CRTAC1: variants seen among roughly 807,000 people sequenced by gnomAD.
CRTAC1 encodes the protein cartilage acidic protein 1, also known as acidic secreted protein in cartilage.
A neutral mutation model predicts 67.8 loss-of-function variants in CRTAC1; 37 were observed. The observed-to-expected ratio is 0.55, with a 90% CI of 0.42 to 0.72. The LOEUF (loss-of-function observed/expected upper bound fraction) is 0.72. Ranked by LOEUF, CRTAC1 falls within the 30% of genes least tolerant of loss-of-function variation. The pLI is 0.00. For missense variants in CRTAC1, 780 were observed against 931.6 expected (o/e 0.84, Z 2.12); for synonymous variants, 348 against 371.0 (o/e 0.94, Z 0.71).
intron 2 of CRTAC1, among the ~76,000 whole-genome samples, chr10:97,972,852 C>T (rs993563901): frequency 3.9e-5 from 6 of 152,064 alleles, no homozygotes; most frequent in South Asian, 4.1e-4. Flanking sequence ...CAAAAAACAA[C>T]GTAGCCTTAT....
At position 97,882,285 on chromosome 10, in the gene CRTAC1, G is replaced by A. The variant is rs567934501; in HGVS notation, c.1675+501C>T. Among the ~76,000 whole-genome samples, 6 of 152,278 alleles carry A rather than the reference G, an allele frequency of 3.9e-5. No individual in the cohort carries two copies. The East Asian group carries it at 5.8e-4, about 15-fold the overall frequency. On this transcript the variant is annotated intron_variant, in intron 13 of 14. Coordinates refer to ENST00000370597, the MANE Select transcript of CRTAC1 (RefSeq NM_018058.7). ...GGGACTTTCAGAAGGTTCTTGGACC[G>A]TCAAGGAGCTGCCATCCTGGTAGTG...
intron 4 of CRTAC1, among the ~76,000 whole-genome samples, chr10:97,919,441 T>A (rs2050805255): frequency 1.3e-5 from 2 of 152,200 alleles, no homozygotes; most frequent in African/African-American, 4.8e-5. Flanking sequence ...GTTAGTTCAA[T>A]GTTGCTGGAA....
At chr10:97,940,270 C>T (rs2136619002) in intron 2 of CRTAC1, among the ~76,000 whole-genome samples, 1 of 152,354 alleles carries the variant, frequency 6.6e-6, no homozygotes, top group South Asian at 2.1e-4. Context: ...CACTATCACT[C>T]TGCTGGCAGT....
At chr10:97,963,683 A>G (rs2051563926) in intron 2 of CRTAC1, among the ~76,000 whole-genome samples, 1 of 152,210 alleles carries the variant, frequency 6.6e-6, no homozygotes, top group Admixed American at 6.5e-5. Context: ...TATAATGCTT[A>G]TTTGATTGTT....
At chr10:97,879,503 A>C in intron 14 of CRTAC1, 1 of 672,410 alleles carries the variant, frequency 1.5e-6, no homozygotes, top group South Asian at 2.5e-5. Context: ...ACAAACAACT[A>C]AGGTTGTGTC....
intron 2 of CRTAC1, among the ~76,000 whole-genome samples, chr10:97,981,064 G>A (rs981925878): frequency 8.5e-5 from 13 of 152,148 alleles, no homozygotes; most frequent in African/African-American, 3.1e-4. Context: ...GGAGCCAGTG[G>A]AATTTCTGCT....
At chr10:97,908,761 A>C (rs1424913569) in intron 5 of CRTAC1, among the ~76,000 whole-genome samples, 1 of 152,258 alleles carries the variant, frequency 6.6e-6, no homozygotes, top group Non-Finnish European at 1.5e-5. Flanking sequence ...ATTGACTTGG[A>C]GGAGTGCCTG....
At chr10:97,968,897 C>T (rs1471822285) in intron 2 of CRTAC1, among the ~76,000 whole-genome samples, 1 of 152,200 alleles carries the variant, frequency 6.6e-6, no homozygotes, top group African/African-American at 2.4e-5. Context: ...AGATTTTGAG[C>T]CAGTACATCT....
At chr10:97,882,064 T>C (rs564771471) in intron 13 of CRTAC1, among the ~76,000 whole-genome samples, 6 of 152,232 alleles carry the variant, frequency 3.9e-5, no homozygotes, top group Non-Finnish European at 7.3e-5. Context: ...CTGTCTTGTT[T>C]ACTCCTGTAT....
At chr10:97,915,586 G>A (rs2136585668) in intron 5 of CRTAC1, among the ~76,000 whole-genome samples, 1 of 152,270 alleles carries the variant, frequency 6.6e-6, no homozygotes, top group Non-Finnish European at 1.5e-5. Flanking sequence ...GCCGGGCTCA[G>A]CATGGCGGCC....
chr10:97,961,340 AC>A (rs765091914), intron 2 of CRTAC1, among the ~76,000 whole-genome samples: 6 of 152,202 alleles, frequency 3.9e-5, no homozygotes, highest in Admixed American at 3.3e-4. Flanking sequence ...AAGTATAACA[AC>A]ACTGCACCCC....
intron 7 of CRTAC1, among the ~76,000 whole-genome samples, chr10:97,904,081 G>C (rs1289404621): frequency 1.3e-5 from 2 of 151,846 alleles, no homozygotes; most frequent in African/African-American, 4.8e-5. Flanking sequence ...TGCTCTAGCT[G>C]CTGGATCCTT....
chr10:97,866,757 CAT>C (rs1259920565), intron 14 of CRTAC1: 2 of 152,194 alleles, frequency 1.3e-5, no homozygotes, highest in South Asian at 2.1e-4. Flanking sequence ...TGTGCATGAA[CAT>C]GTGTGCACAA....
At chr10:97,974,331 A>G (rs1489728316) in intron 2 of CRTAC1, among the ~76,000 whole-genome samples, 1 of 152,134 alleles carries the variant, frequency 6.6e-6, no homozygotes, top group Admixed American at 6.5e-5. Context: ...AGGCGGACTC[A>G]CTTTGTTGTA....
intron 2 of CRTAC1, among the ~76,000 whole-genome samples, chr10:97,942,401 A>G (rs554351615): frequency 6.6e-6 from 1 of 152,218 alleles, no homozygotes; most frequent in Non-Finnish European, 1.5e-5. Flanking sequence ...ACTTTCATCA[A>G]TTCCCAAAAT....
At chr10:97,937,851 T>C (rs2051113318) in intron 2 of CRTAC1, among the ~76,000 whole-genome samples, 1 of 152,214 alleles carries the variant, frequency 6.6e-6, no homozygotes, top group Non-Finnish European at 1.5e-5. Flanking sequence ...CCTCTTCCTG[T>C]GTTTCAGCCT....
At chr10:97,878,061 C>T (rs888536038) in intron 14 of CRTAC1, among the ~76,000 whole-genome samples, 8 of 152,202 alleles carry the variant, frequency 5.3e-5, no homozygotes, top group Non-Finnish European at 8.8e-5. Context: ...CAGCAGCTTC[C>T]AGAAGGACTA....
chr10:97,876,524 C>CTGGAGTGA (rs2050149297), intron 14 of CRTAC1, among the ~76,000 whole-genome samples: 3 of 152,114 alleles, frequency 2.0e-5, no homozygotes, highest in Non-Finnish European at 4.4e-5. Flanking sequence ...CACTGGCCCA[C>CTGGAGTGA]CTTCCCACTG....
intron 2 of CRTAC1, among the ~76,000 whole-genome samples, chr10:97,955,741 C>A (rs2051429546): frequency 6.6e-6 from 1 of 152,148 alleles, no homozygotes; most frequent in Non-Finnish European, 1.5e-5. Context: ...ATGACATGTT[C>A]TTCTTGGCTC....
Sources: gnomAD v4.1 joint callset for allele counts (sites outside exome capture counted in the v4.1 genomes callset) on GRCh38, gnomAD v4.1.1 for gene constraint, MANE v1.5 for transcripts, NCBI Gene and HGNC (gene_info 2026-07-23, HGNC 2026-07-21) for gene names.